MAP3K14: variants seen among roughly 807,000 people sequenced by gnomAD.
MAP3K14 encodes the protein NF-kappa-beta-inducing kinase.
A neutral mutation model predicts 99.2 loss-of-function variants in MAP3K14; 16 were observed. The observed-to-expected ratio is 0.16, with a 90% CI of 0.11 to 0.24. MAP3K14 has a LOEUF of 0.24. Among genes scored for constraint, MAP3K14 ranks in the 10% least tolerant of loss-of-function variants. MAP3K14 has a pLI of 1.00. For missense variants in MAP3K14, 784 were observed against 1,208.7 expected (o/e 0.65, Z 5.21); for synonymous variants, 462 against 492.4 (o/e 0.94, Z 0.82).
Position 45,290,483 on chromosome 17 carries a change from C to T in MAP3K14, c.256+7G>A, listed in dbSNP as rs1164753591. The T allele has an allele frequency of 1.2e-6, 2 of 1,613,850 alleles. No homozygotes were observed. The highest frequency in any genetic ancestry group is 2.2e-5 in the South Asian group (2 of 91,072). Reference sequence around the variant, plus strand: ...GCCCCGTGCCCACAACAACCCTAGGCCCCTACACTCAGCCTGGGCGATGAT... The same window carrying T: ...GCCCCGTGCCCACAACAACCCTAGGTCCCTACACTCAGCCTGGGCGATGAT... On this transcript the variant is annotated splice_region_variant and intron_variant, in intron 2 of 15. Coordinates refer to ENST00000344686, the MANE Select transcript of MAP3K14 (RefSeq NM_003954.5).
rs1221669600 is a variant in MAP3K14, at chr17:45,287,163, G to A, written c.528C>T (p.Ile176=). ...GGGTGGAGGGTCTCACCTGCACTGG[G>A]ATGGTGCAGCTCTCCTGCTCAGGGG... ...PRTPEQESCT[I]PVQEDESPLG... Residue 176 remains isoleucine, a synonymous_variant, in exon 4 of 16, where the codon ATC becomes ATT. Coordinates refer to ENST00000344686, the MANE Select transcript of MAP3K14 (RefSeq NM_003954.5). 1.2e-6 allele frequency: 2 copies of A among 1,613,618 alleles called. No individual in the cohort carries two copies. The highest frequency in any genetic ancestry group is 1.7e-6 in the Non-Finnish European group (2 of 1,179,652).
At chr17:45,299,380 G>A (rs1015164465) in intron 1 of MAP3K14, among the ~76,000 whole-genome samples, 3 of 151,930 alleles carry the variant, frequency 2.0e-5, no homozygotes, top group Admixed American at 1.3e-4. Flanking sequence ...TAACAAGACT[G>A]TGTCTTTATG....
chr17:45,275,728 T>TC (rs1335997703), intron 6 of MAP3K14, among the ~76,000 whole-genome samples: 2 of 151,054 alleles, frequency 1.3e-5, no homozygotes, highest in Non-Finnish European at 3.0e-5. Flanking sequence ...AGATTTGGAC[T>TC]CCATCGGGTG....
At chr17:45,282,284 A>G (rs1390229156) in intron 6 of MAP3K14, 1 of 151,884 alleles carries the variant, frequency 6.6e-6, no homozygotes, top group East Asian at 2.0e-4. Context: ...TTCTATTAAA[A>G]TGGGATCCTG....
chr17:45,275,625 G>C (rs1268836337), intron 6 of MAP3K14, among the ~76,000 whole-genome samples: 1 of 151,938 alleles, frequency 6.6e-6, no homozygotes, highest in Non-Finnish European at 1.5e-5. Context: ...CTAAATTTCT[G>C]GGCAATTTCT....
intron 1 of MAP3K14, among the ~76,000 whole-genome samples, chr17:45,308,253 C>T (rs1344981788): frequency 1.3e-5 from 2 of 152,170 alleles, no homozygotes; most frequent in African/African-American, 4.8e-5. Flanking sequence ...TTTCAGGCAC[C>T]GTGCTGGCCA....
rs11574827 is a variant in MAP3K14, at chr17:45,273,470, T to C, written c.1657+33A>G. The C allele has an allele frequency of 1.6e-3, 2,407 of 1,462,900 alleles. 40 individuals carry two copies. The African/African-American group carries it at 0.028, about 17-fold the overall frequency. 90.6% of individuals were successfully genotyped at this position (1,462,900 alleles called of 1,614,324 possible). ...GGAAGGCATTTGGCGAATGAATGCA[T>C]TGGGGGGCACGGCAGTTGGTGGGGG... On this transcript the variant is annotated intron_variant, in intron 9 of 15. Transcript: ENST00000344686.
At chr17:45,268,124 T>A in intron 11 of MAP3K14, 1 of 233,964 alleles carries the variant, frequency 4.3e-6, no homozygotes, top group Non-Finnish European at 8.2e-6. Flanking sequence ...CCAGGCAAAG[T>A]GGCATCCTGG....
intron 1 of MAP3K14, among the ~76,000 whole-genome samples, chr17:45,305,523 G>C (rs1298002992): frequency 1.3e-5 from 2 of 151,032 alleles, no homozygotes; most frequent in Non-Finnish European, 2.9e-5. Context: ...AGCCACCCAA[G>C]TGGCTGGGAT....
Position 45,265,146 on chromosome 17 carries a change from G to A in MAP3K14, c.2679+17C>T, listed in dbSNP as rs201816353. On this transcript the variant is annotated intron_variant, in intron 15 of 15. Coordinates refer to ENST00000344686, the MANE Select transcript of MAP3K14 (RefSeq NM_003954.5). ...CTTCTGGGACTCTGCCCGTCAGAGT[G>A]TACCTGCCCCCCTTACCTGGCTGCT... 1.3e-4 allele frequency: 209 copies of A among 1,601,960 alleles called. 1 individual carries two copies. Among genetic ancestry groups the A allele is most frequent in the Non-Finnish European group, 4.0e-5 (47 of 1,169,192 alleles).
In MAP3K14 at chr17:45,265,270, G is replaced by A. The variant is rs2044067628; in HGVS notation, c.2579-7C>T. 6.3e-7 allele frequency: 1 copy of A among 1,590,504 alleles called. No homozygotes were observed. The highest frequency in any genetic ancestry group is 8.6e-7 in the Non-Finnish European group (1 of 1,158,650). ...TGTATTTGGACTTTCACACCTAGAAGGCGGACAAGGTGATAGTCAGGAGAG... is the reference window on the plus strand; with the variant it reads ...TGTATTTGGACTTTCACACCTAGAAAGCGGACAAGGTGATAGTCAGGAGAG... On this transcript the variant is annotated splice_polypyrimidine_tract_variant and splice_region_variant and intron_variant, in intron 14 of 15. Coordinates refer to ENST00000344686, the MANE Select transcript of MAP3K14 (RefSeq NM_003954.5).
chr17:45,297,624 A>C (rs1168816808), intron 1 of MAP3K14, among the ~76,000 whole-genome samples: 1 of 152,176 alleles, frequency 6.6e-6, no homozygotes, highest in Non-Finnish European at 1.5e-5. Context: ...AGAAAAAAGT[A>C]AATAGGAAAA....
At chr17:45,264,953 G>A (rs2044062985) in intron 15 of MAP3K14, among the ~76,000 whole-genome samples, 153 bp from the exon 16 acceptor site, 1 of 152,220 alleles carries the variant, frequency 6.6e-6, no homozygotes. Context: ...CCCGGCTCAA[G>A]TGTAGGTCTG....
Position 45,286,666 on chromosome 17 carries a change from C to A in MAP3K14, c.917G>T (p.Cys306Phe), listed in dbSNP as rs1399746679. 2.5e-6 allele frequency: 4 copies of A among 1,610,340 alleles called. No homozygotes were observed. The highest frequency in any genetic ancestry group is 2.5e-6 in the Non-Finnish European group (3 of 1,178,510). ...LPDPHLSKLA[C>F]VDSPKPLPGP... ...AGGCAGGGGCTTTGGACTGTCTACA[C>A]AGGCCAGTTTGCTCAGGTGTGGGTC... is the stretch of plus-strand genomic sequence containing the variant. The change falls in exon 5 of 16, where the codon TGT becomes TTT. Residue 306 changes from cysteine to phenylalanine, a missense_variant. Transcript: ENST00000344686. The surrounding 1 kb of genome is among the most constrained non-coding windows in gnomAD (Gnocchi z 4.1).
intron 3 of MAP3K14, among the ~76,000 whole-genome samples, chr17:45,288,854 A>G (rs2044288818): frequency 6.6e-6 from 1 of 151,984 alleles, no homozygotes; most frequent in Non-Finnish European, 1.5e-5. Context: ...GGTTTCTCCC[A>G]TAGAGGACAG....
At chr17:45,274,436 G>A in intron 7 of MAP3K14, 28 bp downstream of exon 7, 3 of 1,612,330 alleles carry the variant, frequency 1.9e-6, no homozygotes, top group African/African-American at 2.7e-5. Flanking sequence ...CCCTGAATTT[G>A]GAGAAAGAGT....
chr17:45,303,914 T>C (rs2044410339), intron 1 of MAP3K14, among the ~76,000 whole-genome samples: 1 of 151,982 alleles, frequency 6.6e-6, no homozygotes, highest in African/African-American at 2.4e-5. Flanking sequence ...GAAACATGGA[T>C]TATACACATG....
chr17:45,290,111 C>G (rs2044298676), intron 2 of MAP3K14, among the ~76,000 whole-genome samples: 1 of 152,194 alleles, frequency 6.6e-6, no homozygotes, highest in African/African-American at 2.4e-5. Context: ...GGTGAAGGCC[C>G]TACAGGCCCC....
At position 45,313,889 on chromosome 17, in the gene MAP3K14, G is replaced by A. The variant is rs576859375; in HGVS notation, c.-21+3071C>T. On this transcript the variant is annotated intron_variant, in intron 1 of 15. Coordinates refer to ENST00000344686, the MANE Select transcript of MAP3K14 (RefSeq NM_003954.5). ...CAAGAAAAGGGGGTTTAGATTCTGAGCAATCCTGTCTGTTTCTCCTTATGA... is the reference window on the plus strand; with the variant it reads ...CAAGAAAAGGGGGTTTAGATTCTGAACAATCCTGTCTGTTTCTCCTTATGA... Among the ~76,000 whole-genome samples, 9 of 152,294 alleles carry A rather than the reference G, an allele frequency of 5.9e-5. No individual in the cohort carries two copies. In the South Asian group the frequency reaches 1.0e-3, roughly 18 times the overall value.
Sources: allele counts gnomAD v4.1 joint callset (sites outside exome capture counted in the v4.1 genomes callset), GRCh38; gene constraint gnomAD v4.1.1; non-coding constraint Gnocchi (gnomAD v3.1); transcripts MANE v1.5; gene names NCBI Gene and HGNC (gene_info 2026-07-23, HGNC 2026-07-21).